The following PDIA5 variants were observed in gnomAD, a reference collection of about 807,000 sequenced individuals.
The protein encoded by PDIA5 is protein disulfide-isomerase A5.
Under a neutral mutation model 77.6 loss-of-function variants are expected in PDIA5, and 58 were observed. That is an observed-to-expected ratio of 0.75 (90% CI 0.61 to 0.93). The LOEUF (loss-of-function observed/expected upper bound fraction) is 0.93, where lower values mean the gene tolerates loss of function less well. Ranked by LOEUF, PDIA5 falls within the 40% of genes least tolerant of loss-of-function variation. PDIA5 has a pLI of 0.00. For synonymous variants in PDIA5, 250 were observed against 252.1 expected (o/e 0.99, Z 0.08); for missense variants, 630 against 647.7 (o/e 0.97, Z 0.30).
intron 8 of PDIA5, among the ~76,000 whole-genome samples, chr3:123,117,720 C>T (rs1260234560): frequency 6.6e-6 from 1 of 152,100 alleles, no homozygotes; most frequent in Non-Finnish European, 1.5e-5. Context: ...TTCATACACT[C>T]ATCTGTTGAT....
intron 6 of PDIA5, among the ~76,000 whole-genome samples, chr3:123,107,974 T>C (rs1934775704): frequency 6.6e-6 from 1 of 151,364 alleles, no homozygotes; most frequent in Non-Finnish European, 1.5e-5. Flanking sequence ...AGTTTTTATA[T>C]TTTTTGTAGT....
At chr3:123,114,139 T>A (rs533838896) in intron 7 of PDIA5, among the ~76,000 whole-genome samples, 1 of 152,228 alleles carries the variant, frequency 6.6e-6, no homozygotes, top group Non-Finnish European at 1.5e-5. Flanking sequence ...GTGTTATTGC[T>A]GCAGGCTGCA....
At position 123,161,948 on chromosome 3, in the gene PDIA5, G is replaced by C; in HGVS notation, c.1548G>C (p.Lys516Asn). The C allele has an allele frequency of 6.3e-7, 1 of 1,592,154 alleles. No homozygotes were observed. The highest frequency in any genetic ancestry group is 8.6e-7 in the Non-Finnish European group (1 of 1,160,178). The change falls in exon 17 of 17, where the codon AAG becomes AAC. Residue 516 changes from lysine (K) to asparagine (N), a missense_variant. Physicochemically the swap from Lys to Asn is moderately conservative, Grantham distance 94. Coordinates refer to ENST00000316218, the MANE Select transcript of PDIA5 (RefSeq NM_006810.4). ...ACCATGAAAGACTAGGGAAAAAGAA[G>C]GAAGAGTTATAATTCCTGCCTCAGA... is the stretch of plus-strand genomic sequence containing the variant. ...EGDHERLGKK[K>N]EEL
At chr3:123,067,271 C>A in intron 1 of PDIA5, 65 bp downstream of exon 1, 1 of 1,189,398 alleles carries the variant, frequency 8.4e-7, no homozygotes, top group Non-Finnish European at 1.1e-6. Flanking sequence ...CTTCTGCGCT[C>A]TCTGCTCCAG....
In PDIA5 at chr3:123,114,804, C is replaced by T. The variant is rs567551879; in HGVS notation, c.542-1427C>T. On this transcript the variant is annotated intron_variant, in intron 7 of 16. Coordinates refer to ENST00000316218, the MANE Select transcript of PDIA5 (RefSeq NM_006810.4). The stretch of plus-strand genomic sequence containing the variant: ...TCTGAGGGCAGATTCGGCGGGCTCG[C>T]GCTGCAGGCTGGCCTCGAAACAGCT... Among the ~76,000 whole-genome samples the T allele has an allele frequency of 1.6e-4, 24 of 152,264 alleles. 1 individual carries two copies. Among genetic ancestry groups the T allele is most frequent in the African/African-American group, 4.6e-4 (19 of 41,548 alleles).
At chr3:123,123,241 C>T (rs1389453004) in intron 8 of PDIA5, among the ~76,000 whole-genome samples, 1 of 152,226 alleles carries the variant, frequency 6.6e-6, no homozygotes, top group Non-Finnish European at 1.5e-5. Flanking sequence ...CATGCCACTG[C>T]AGAGGGAGTT....
intron 2 of PDIA5, among the ~76,000 whole-genome samples, chr3:123,089,858 C>T (rs559487202): frequency 1.8e-4 from 28 of 152,358 alleles, no homozygotes; most frequent in East Asian, 7.7e-4. Flanking sequence ...GCAGGAGCAG[C>T]GGCCTGCCTC....
At chr3:123,114,743 G>A (rs1264930783) in intron 7 of PDIA5, among the ~76,000 whole-genome samples, 1 of 152,252 alleles carries the variant, frequency 6.6e-6, no homozygotes, top group Admixed American at 6.5e-5. Flanking sequence ...TGTTCGCACT[G>A]AGGTGGCAGG....
At chr3:123,158,877 G>A (rs773818357) in intron 15 of PDIA5, among the ~76,000 whole-genome samples, 1 of 152,244 alleles carries the variant, frequency 6.6e-6, no homozygotes, top group Non-Finnish European at 1.5e-5. Flanking sequence ...CAATAGCTGA[G>A]AAGAGCTTTA....
chr3:123,083,961 T>C (rs1479852740), intron 1 of PDIA5, among the ~76,000 whole-genome samples: 2 of 152,066 alleles, frequency 1.3e-5, no homozygotes, highest in Admixed American at 1.3e-4. Context: ...TCTGCATCTG[T>C]GGTTGTTTGC....
intron 8 of PDIA5, among the ~76,000 whole-genome samples, chr3:123,116,626 G>A (rs2078050547): frequency 6.6e-6 from 1 of 152,234 alleles, no homozygotes; most frequent in Non-Finnish European, 1.5e-5. Flanking sequence ...TTTGAGGGCT[G>A]GGCTCTGAAG....
chr3:123,112,021 C>T (rs546194471), intron 7 of PDIA5, among the ~76,000 whole-genome samples: 91 of 152,230 alleles, frequency 6.0e-4, no homozygotes, highest in Non-Finnish European at 7.2e-4. Flanking sequence ...TGTCCGTGGG[C>T]GCTTGCGAGC....
rs186920796 is a variant in PDIA5 at position 123,088,387 on chromosome 3, T to C, written c.43-781T>C. 4.0e-3 allele frequency among the ~76,000 whole-genome samples: 614 copies of C among 152,318 alleles called. 2 individuals are homozygous for C. The highest frequency in any genetic ancestry group is 7.2e-3 in the Non-Finnish European group (487 of 68,036). Reference sequence around the variant, plus strand: ...GACTGACCTCCTGAGATCACTTGGCTGAGTAAGAAAAGCTAAAAACCTCTC... The same window carrying C: ...GACTGACCTCCTGAGATCACTTGGCCGAGTAAGAAAAGCTAAAAACCTCTC... On this transcript the variant is annotated intron_variant, in intron 1 of 16. Coordinates refer to ENST00000316218, the MANE Select transcript of PDIA5 (RefSeq NM_006810.4).
chr3:123,112,651 T>C (rs932461199), intron 7 of PDIA5, among the ~76,000 whole-genome samples: 10 of 146,314 alleles, frequency 6.8e-5, no homozygotes, highest in Non-Finnish European at 1.0e-4. Context: ...CGGGTTCAAA[T>C]GGTTCAAATG....
chr3:123,074,270 G>T (rs1355966660), intron 1 of PDIA5, among the ~76,000 whole-genome samples: 3 of 152,216 alleles, frequency 2.0e-5, no homozygotes, highest in African/African-American at 7.2e-5. Flanking sequence ...GGCCTAGTGG[G>T]ACAGCCACTG....
chr3:123,089,868 C>T (rs1308675672), intron 2 of PDIA5, among the ~76,000 whole-genome samples: 1 of 152,250 alleles, frequency 6.6e-6, no homozygotes, highest in Non-Finnish European at 1.5e-5. Flanking sequence ...CGGCCTGCCT[C>T]TCTTCTGACC....
At position 123,122,889 on chromosome 3, in the gene PDIA5, T is replaced by C. The variant is rs1457865930; in HGVS notation, c.610-1177T>C. On this transcript the variant is annotated intron_variant, in intron 8 of 16. Coordinates refer to ENST00000316218, the MANE Select transcript of PDIA5 (RefSeq NM_006810.4). ...TTCTGTAACTACTGCTGGCTTTTTT[T>C]ACTTACTTTTCCCTCGCTTCTATGC... is the stretch of plus-strand genomic sequence containing the variant. Among the ~76,000 whole-genome samples, 6 of 152,386 alleles carry C rather than the reference T, an allele frequency of 3.9e-5. 1 individual carries two copies. The South Asian group carries it at 1.2e-3, about 32-fold the overall frequency.
At chr3:123,089,098 C>T in intron 1 of PDIA5, 70 bp from the exon 2 acceptor site, 10 of 1,498,306 alleles carry the variant, frequency 6.7e-6, no homozygotes, top group Non-Finnish European at 9.1e-6. Context: ...GCAGCACATC[C>T]ATGGGCACCG....
At chr3:123,154,399 T>C (rs1307525399) in intron 14 of PDIA5, among the ~76,000 whole-genome samples, 2 of 152,148 alleles carry the variant, frequency 1.3e-5, no homozygotes, top group Non-Finnish European at 2.9e-5. Flanking sequence ...AAAGAGTAGA[T>C]GGAGACCTGG....
Sources: gnomAD v4.1 joint callset for allele counts (sites outside exome capture counted in the v4.1 genomes callset) on GRCh38, gnomAD v4.1.1 for gene constraint, MANE v1.5 for transcripts, NCBI Gene and HGNC (gene_info 2026-07-23, HGNC 2026-07-21) for gene names.